The following L3MBTL4 variants were observed in gnomAD, a reference collection of about 807,000 sequenced individuals.
L3MBTL4 encodes the protein L3MBTL histone methyl-lysine binding protein 4.
L3MBTL4 carries 70 observed loss-of-function variants against 84.5 expected under a neutral mutation model. The observed-to-expected ratio is 0.83, with a 90% CI of 0.68 to 1.01. The LOEUF (loss-of-function observed/expected upper bound fraction) is 1.01. Ranked by LOEUF, L3MBTL4 falls within the 50% of genes least tolerant of loss-of-function variation. The pLI is 0.00. For synonymous variants in L3MBTL4, 274 were observed against 259.8 expected (o/e 1.05, Z -0.52); for missense variants, 715 against 754.8 (o/e 0.95, Z 0.62).
At chr18:6,094,274 A>G (rs1290337256) in intron 14 of L3MBTL4, among the ~76,000 whole-genome samples, 1 of 152,192 alleles carries the variant, frequency 6.6e-6, no homozygotes, top group Non-Finnish European at 1.5e-5. Flanking sequence ...AGAGGCCCCA[A>G]AACTCTGCCG....
intron 1 of L3MBTL4, among the ~76,000 whole-genome samples, chr18:6,356,334 G>A (rs923620003): frequency 1.3e-5 from 2 of 152,236 alleles, no homozygotes; most frequent in Non-Finnish European, 2.9e-5. Flanking sequence ...ACGGCATTCT[G>A]CCAAACTCTA....
chr18:6,174,439 T>G (rs535267271), intron 12 of L3MBTL4, among the ~76,000 whole-genome samples: 51 of 152,198 alleles, frequency 3.4e-4, no homozygotes, highest in African/African-American at 1.2e-3. Context: ...ATTCTAGAAG[T>G]CAATAGCAAA....
chr18:6,228,852 G>A (rs889524792), intron 10 of L3MBTL4, among the ~76,000 whole-genome samples: 1 of 152,126 alleles, frequency 6.6e-6, no homozygotes, highest in African/African-American at 2.4e-5. Flanking sequence ...TGCCTAACTT[G>A]AAGTTAGAAA....
intron 4 of L3MBTL4, among the ~76,000 whole-genome samples, chr18:6,264,385 C>T (rs2048538103): frequency 6.6e-6 from 1 of 152,198 alleles, no homozygotes; most frequent in African/African-American, 2.4e-5. Context: ...AGTTAATAGT[C>T]TAAAGTTTTT....
Position 6,342,993 on chromosome 18 carries a change from A to G in L3MBTL4, c.-90-30937T>C, listed in dbSNP as rs147305529. 8.5e-4 allele frequency among the ~76,000 whole-genome samples: 129 copies of G among 152,344 alleles called. 1 individual carries two copies. Among genetic ancestry groups the G allele is most frequent in the African/African-American group, 2.8e-3 (115 of 41,594 alleles). On this transcript the variant is annotated intron_variant, in intron 1 of 18. Coordinates refer to ENST00000317931, the MANE Select transcript of L3MBTL4 (RefSeq NM_001330559.2). ...TAAAAAATTGTCACAGAAGAAAACA[A>G]ATGTTGTTACATATTGATAAAGGGG...
intron 16 of L3MBTL4, among the ~76,000 whole-genome samples, chr18:6,063,299 C>CTGTGTGTGTGTG (rs61413638): frequency 0.012 from 1,719 of 141,226 alleles, 34 homozygotes; most frequent in African/African-American, 0.039. Context: ...CTATAAATAT[C>CTGTGTGTGTGTG]TGTGTGTGTG....
Position 6,387,199 on chromosome 18 carries a change from C to T in L3MBTL4, c.-91+27602G>A, listed in dbSNP as rs565142781. Among the ~76,000 whole-genome samples, 20 of 152,270 alleles carry T rather than the reference C, an allele frequency of 1.3e-4. No individual in the cohort carries two copies. The East Asian group carries it at 3.9e-3, about 29-fold the overall frequency. ...CATCCTCCAAATTGAGGTCTGGGAA[C>T]CTCCAGGGGAAGCTGAAACAGGACG... is the stretch of plus-strand genomic sequence containing the variant. On this transcript the variant is annotated intron_variant, in intron 1 of 18. Transcript: ENST00000317931.
chr18:6,351,569 T>G (rs75213234), intron 1 of L3MBTL4, among the ~76,000 whole-genome samples: 1 of 151,984 alleles, frequency 6.6e-6, no homozygotes, highest in Non-Finnish European at 1.5e-5. Context: ...TTTTTTTTTT[T>G]GAGATGGAGT....
chr18:5,990,778 T>G (rs1000832598), intron 16 of L3MBTL4, among the ~76,000 whole-genome samples: 22 of 151,058 alleles, frequency 1.5e-4, no homozygotes, highest in Non-Finnish European at 3.1e-4. Flanking sequence ...TGGGTGTGTG[T>G]GTGTGTGTGT....
At chr18:6,085,717 T>C (rs894597286) in intron 15 of L3MBTL4, among the ~76,000 whole-genome samples, 1 of 152,254 alleles carries the variant, frequency 6.6e-6, no homozygotes, top group African/African-American at 2.4e-5. Flanking sequence ...CCAGCCATGC[T>C]GGACTGTAAG....
rs184713503 is a variant in L3MBTL4, at chr18:6,221,100, G to A, written c.785-5265C>T. On this transcript the variant is annotated intron_variant, in intron 10 of 18. Transcript: ENST00000317931. ...CAGATTTTTTTTTAAAGGCACCCTC[G>A]ATTATTTTTCCTCTAGGAACAACAG... Among the ~76,000 whole-genome samples, 29 of 152,094 alleles carry A rather than the reference G, an allele frequency of 1.9e-4. No homozygotes were observed. In the East Asian group the frequency reaches 5.6e-3, roughly 29 times the overall value.
intron 4 of L3MBTL4, among the ~76,000 whole-genome samples, chr18:6,286,292 C>T (rs1364496836): frequency 1.3e-5 from 2 of 151,626 alleles, no homozygotes; most frequent in Admixed American, 6.6e-5. Flanking sequence ...GGTGAAACCC[C>T]ATCTCTACTA....
At chr18:6,184,871 A>G (rs2044647475) in intron 12 of L3MBTL4, among the ~76,000 whole-genome samples, 1 of 152,208 alleles carries the variant, frequency 6.6e-6, no homozygotes, top group Non-Finnish European at 1.5e-5. Context: ...CAACACAGAA[A>G]TCAGCTAAGG....
chr18:5,982,314 G>A (rs1381310679), intron 16 of L3MBTL4, among the ~76,000 whole-genome samples: 2 of 152,042 alleles, frequency 1.3e-5, no homozygotes, highest in African/African-American at 4.8e-5. Flanking sequence ...TAAACAATCT[G>A]GCCTCTTCAT....
At chr18:6,387,119 AC>A (rs2054855316) in intron 1 of L3MBTL4, among the ~76,000 whole-genome samples, 1 of 152,116 alleles carries the variant, frequency 6.6e-6, no homozygotes, top group Non-Finnish European at 1.5e-5. Flanking sequence ...TTTTGGCAAA[AC>A]ACACACACAA....
intron 17 of L3MBTL4, 129 bp from the exon 18 acceptor site, chr18:5,960,285 C>A (rs1026647654): frequency 5.0e-6 from 2 of 396,680 alleles, no homozygotes; most frequent in Non-Finnish European, 9.3e-6. Flanking sequence ...TAGTAACTAT[C>A]AAGTTGCATT....
At chr18:6,299,002 A>G (rs948036017) in intron 4 of L3MBTL4, among the ~76,000 whole-genome samples, 1 of 152,228 alleles carries the variant, frequency 6.6e-6, no homozygotes, top group Admixed American at 6.5e-5. Context: ...CACTTGTTCA[A>G]CTGAATAAAT....
chr18:5,980,929 A>G (rs1392956175), intron 16 of L3MBTL4, among the ~76,000 whole-genome samples: 1 of 152,162 alleles, frequency 6.6e-6, no homozygotes, highest in Non-Finnish European at 1.5e-5. Flanking sequence ...CCTCTCGCAT[A>G]CACCAAGGCT....
intron 1 of L3MBTL4, among the ~76,000 whole-genome samples, chr18:6,381,830 G>A (rs2054606199): frequency 6.6e-6 from 1 of 152,180 alleles, no homozygotes; most frequent in Non-Finnish European, 1.5e-5. Context: ...TGTTATTGAG[G>A]AGTATCTTTC....
Sources: gnomAD v4.1 joint callset for allele counts (sites outside exome capture counted in the v4.1 genomes callset) on GRCh38, gnomAD v4.1.1 for gene constraint, MANE v1.5 for transcripts, NCBI Gene and HGNC (gene_info 2026-07-23, HGNC 2026-07-21) for gene names.